Variants in MAPT observed in about 807,000 individuals in gnomAD.
The protein encoded by MAPT is microtubule-associated protein tau.
Under a neutral mutation model 67.9 loss-of-function variants are expected in MAPT, and 34 were observed. The observed-to-expected ratio is 0.50, with a 90% confidence interval of 0.38 to 0.67. The LOEUF (loss-of-function observed/expected upper bound fraction) is 0.67, where lower values mean the gene tolerates loss of function less well. Ranked by LOEUF, MAPT falls within the 30% of genes least tolerant of loss-of-function variation. MAPT has a pLI of 0.00. For missense variants in MAPT, 881 were observed against 1,115.2 expected (o/e 0.79, Z 2.99); for synonymous variants, 456 against 464.5 (o/e 0.98, Z 0.23).
At chr17:45,942,306 G>A (rs117372337) in intron 1 of MAPT, among the ~76,000 whole-genome samples, 4,103 of 152,282 alleles carry the variant, frequency 0.027, 72 homozygotes, top group Non-Finnish European at 0.041. Context: ...TAGAGTGTAC[G>A]TTTCTTCTTC....
intron 9 of MAPT, among the ~76,000 whole-genome samples, chr17:46,002,497 A>T (rs2075081348): frequency 6.6e-6 from 1 of 151,520 alleles, no homozygotes; most frequent in Admixed American, 6.6e-5. Flanking sequence ...TGCCCAGGGA[A>T]GGGCCCAGGG....
At chr17:45,982,193 G>A (rs1393452262) in intron 4 of MAPT, among the ~76,000 whole-genome samples, 7 of 151,772 alleles carry the variant, frequency 4.6e-5, no homozygotes, top group South Asian at 4.2e-4. Context: ...GTGGTGGCAC[G>A]TGCCTGTAAT....
At chr17:45,918,063 C>A (rs1215909648) in intron 1 of MAPT, among the ~76,000 whole-genome samples, 1 of 152,188 alleles carries the variant, frequency 6.6e-6, no homozygotes, top group Non-Finnish European at 1.5e-5. Context: ...CATGAGCCAC[C>A]ATGCCCAGCC....
At position 45,983,424 on chromosome 17, in the gene MAPT, G is replaced by A; in HGVS notation, c.845G>A (p.Gly282Glu). Residue 282 changes from glycine (G) to glutamate (E), a missense_variant, in exon 5 of 13, where the codon GGG becomes GAG. By Grantham distance (98) the Gly-to-Glu change is moderately conservative (BLOSUM62 -2). Around this residue, in one of 6 missense-constraint regions of MAPT, gnomAD observed 687 missense variants for 766.1 expected, o/e 0.90. Coordinates refer to ENST00000262410, the MANE Select transcript of MAPT (RefSeq NM_001377265.1). Reference sequence around the variant, plus strand: ...GAGGGGCCGCCGCTGAAGGGGGCAGGGGGCAAAGAGAGGCCGGGGAGCAAG... The same window carrying A: ...GAGGGGCCGCCGCTGAAGGGGGCAGAGGGCAAAGAGAGGCCGGGGAGCAAG... ...HQEGPPLKGA[G>E]GKERPGSKEE... The A allele has an allele frequency of 6.2e-7, 1 of 1,607,062 alleles. No homozygotes were observed. The highest frequency in any genetic ancestry group is 1.7e-5 in the Admixed American group (1 of 59,634).
intron 9 of MAPT, among the ~76,000 whole-genome samples, chr17:46,006,697 G>A (rs916824293): frequency 2.3e-4 from 35 of 151,214 alleles, no homozygotes; most frequent in African/African-American, 7.8e-4. Flanking sequence ...GGCCGATCAC[G>A]AGGTCAGGAG....
chr17:45,911,523 G>T (rs1451057926), intron 1 of MAPT, among the ~76,000 whole-genome samples: 1 of 152,210 alleles, frequency 6.6e-6, no homozygotes, highest in Non-Finnish European at 1.5e-5. Context: ...CACTTTAGGA[G>T]GCCAAGATGG....
chr17:45,996,292 A>G lies in MAPT; in HGVS notation c.1733-107A>G, dbSNP rs1196823503. 3.1e-6 allele frequency: 4 copies of G among 1,278,962 alleles called. No homozygotes were observed. The Admixed American group carries it at 6.9e-5, about 22-fold the overall frequency. 79.2% of individuals were successfully genotyped at this position (1,278,962 alleles called of 1,614,324 possible). A position where few individuals can be genotyped will look rare whatever the true frequency, so the allele number is the denominator to read the frequency against. ...CTTCCAACCTGGCTTCCACCTGCCT[A>G]ACCCAGTGGTGAGCCTGGGAATGGA... On this transcript the variant is annotated intron_variant, in intron 8 of 12. Transcript: ENST00000262410. This position sits in a 1 kb window ranked among gnomAD's most constrained non-coding sequence, Gnocchi z 4.5.
chr17:45,926,977 G>GCACA (rs2066394170), intron 1 of MAPT, among the ~76,000 whole-genome samples: 2 of 139,150 alleles, frequency 1.4e-5, no homozygotes, highest in African/African-American at 5.2e-5. Flanking sequence ...ACATATATGT[G>GCACA]TATATATATA....
intron 1 of MAPT, among the ~76,000 whole-genome samples, chr17:45,926,750 T>C (rs1490410352): frequency 2.0e-5 from 3 of 152,142 alleles, no homozygotes; most frequent in Non-Finnish European, 4.4e-5. Context: ...GGCTTTTCTA[T>C]GCCCACCCTT....
At chr17:46,000,768 C>T (rs2074935905) in intron 9 of MAPT, among the ~76,000 whole-genome samples, 1 of 152,170 alleles carries the variant, frequency 6.6e-6, no homozygotes, top group African/African-American at 2.4e-5. Context: ...CTTTCAGTCC[C>T]AGCTCTATCC....
intron 5 of MAPT, among the ~76,000 whole-genome samples, chr17:45,985,077 G>A (rs1358784219): frequency 6.6e-6 from 1 of 152,234 alleles, no homozygotes; most frequent in Admixed American, 6.5e-5. Flanking sequence ...GCCAAGGCAG[G>A]TGGATCATTT....
intron 12 of MAPT, 134 bp from the exon 13 acceptor site, chr17:46,023,822 T>C (rs111606641): frequency 2.6e-6 from 2 of 758,570 alleles, no homozygotes; most frequent in South Asian, 2.9e-5. Context: ...GCCTGGGCGA[T>C]AGAGCAAGAC....
In MAPT at chr17:46,018,600, G is replaced by GT. The variant is rs757332036; in HGVS notation, c.2174-17dup. ...CAGAAGATGATGGCAAGATGCTCTTGTGTGTGTTGTGTTCTAGGAGGTGGC... is the reference window on the plus strand; with the variant it reads ...CAGAAGATGATGGCAAGATGCTCTTGTTGTGTGTTGTGTTCTAGGAGGTGGC... On this transcript the variant is annotated splice_polypyrimidine_tract_variant and intron_variant, in intron 11 of 12. Coordinates refer to ENST00000262410, the MANE Select transcript of MAPT (RefSeq NM_001377265.1). The GT allele has an allele frequency of 6.6e-7, 1 of 1,518,802 alleles. No individual in the cohort carries two copies. The highest frequency in any genetic ancestry group is 9.1e-7 in the Non-Finnish European group (1 of 1,093,308). The allele number at this position is 1,518,802 out of a possible 1,614,324, so 94.1% of individuals were successfully genotyped here.
chr17:45,990,475 G>T, intron 7 of MAPT: 2 of 450,730 alleles, frequency 4.4e-6, no homozygotes, highest in African/African-American at 2.0e-5. Flanking sequence ...TTAGCCGGGC[G>T]TGGTGGTATG....
Position 45,963,992 on chromosome 17 carries a change from G to A in MAPT, c.133+1522G>A, listed in dbSNP as rs2070748358. Among the ~76,000 whole-genome samples the A allele has an allele frequency of 2.0e-5, 3 of 152,176 alleles. 1 individual carries two copies. In the East Asian group the frequency reaches 5.8e-4, roughly 29 times the overall value. On this transcript the variant is annotated intron_variant, in intron 2 of 12. Coordinates refer to ENST00000262410, the MANE Select transcript of MAPT (RefSeq NM_001377265.1). Reference sequence around the variant, plus strand: ...GGGGGAGCAGGGGCTGCTCAGAGGTGTTCCAGAAGCTCTGGGTGAGGAGGT... The same window carrying A: ...GGGGGAGCAGGGGCTGCTCAGAGGTATTCCAGAAGCTCTGGGTGAGGAGGT...
At chr17:45,981,854 A>G (rs896550500) in intron 4 of MAPT, among the ~76,000 whole-genome samples, 5 of 151,894 alleles carry the variant, frequency 3.3e-5, no homozygotes, top group Non-Finnish European at 7.4e-5. Context: ...GTCTCCACAA[A>G]AATGAAAAAT....
At chr17:46,023,565 C>T (rs867418600) in intron 12 of MAPT, among the ~76,000 whole-genome samples, 2 of 152,222 alleles carry the variant, frequency 1.3e-5, no homozygotes, top group South Asian at 2.1e-4. Context: ...CCTGGCCAGG[C>T]GCAGTGGCTC....
intron 3 of MAPT, chr17:45,974,561 T>C (rs148721531): frequency 1.7e-3 from 1,754 of 1,016,316 alleles, no homozygotes; most frequent in Non-Finnish European, 2.2e-3. Context: ...GCTTTGCGTG[T>C]TTATCCTCCT....
At chr17:46,005,863 A>G (rs1171825434) in intron 9 of MAPT, among the ~76,000 whole-genome samples, 1 of 152,256 alleles carries the variant, frequency 6.6e-6, no homozygotes, top group African/African-American at 2.4e-5. Flanking sequence ...CCTTGAGGAC[A>G]GCCCAGGACA....
Sources: allele counts gnomAD v4.1 joint callset (sites outside exome capture counted in the v4.1 genomes callset), GRCh38; gene constraint gnomAD v4.1.1; regional missense constraint gnomAD v4.1.1; non-coding constraint Gnocchi (gnomAD v3.1); transcripts MANE v1.5; gene names NCBI Gene and HGNC (gene_info 2026-07-23, HGNC 2026-07-21).